DISC1: variants seen among roughly 807,000 people sequenced by gnomAD.
DISC1 encodes disrupted in schizophrenia 1 protein.
A neutral mutation model predicts 84.5 loss-of-function variants in DISC1; 57 were observed. That is an observed-to-expected ratio of 0.67 (90% confidence interval 0.55 to 0.84). DISC1 has a LOEUF of 0.84. Ranked by LOEUF, DISC1 falls within the 40% of genes least tolerant of loss-of-function variation. The pLI, the probability that DISC1 is intolerant of heterozygous loss-of-function variation, is 0.00. For missense variants in DISC1, 1,000 were observed against 1,057.8 expected, an observed-to-expected ratio of 0.95 and a Z score of 0.76; for synonymous variants, 411 against 415.2, an observed-to-expected ratio of 0.99 and a Z score of 0.12.
chr1:231,891,871 A>G (rs898092722), intron 9 of DISC1, among the ~76,000 whole-genome samples: 7 of 152,224 alleles, frequency 4.6e-5, no homozygotes, highest in Non-Finnish European at 8.8e-5. Context: ...AGAAGTAGCC[A>G]TAACCTGCGG....
intron 10 of DISC1, among the ~76,000 whole-genome samples, chr1:231,967,852 G>T (rs549944409): frequency 1.3e-5 from 2 of 151,934 alleles, no homozygotes; most frequent in Non-Finnish European, 2.9e-5. Context: ...CTAAACATAC[G>T]CAGAGAAAAA....
rs1433799974 is a variant in DISC1, at chr1:231,812,504, A to C, written c.1793-5825A>C. Among the ~76,000 whole-genome samples the C allele has an allele frequency of 2.6e-5, 4 of 152,222 alleles. No individual in the cohort carries two copies. The East Asian group carries it at 7.7e-4, about 29-fold the overall frequency. On this transcript the variant is annotated intron_variant, in intron 8 of 12. Transcript: ENST00000439617. ...AAGTCATGGTGACTGGAAGAAATGC[A>C]CAACCCTGACAGAAAATGGCAAATT... is the stretch of plus-strand genomic sequence containing the variant.
Position 231,698,481 on chromosome 1 carries a change from G to C in DISC1, c.1048-3474G>C, listed in dbSNP as rs1439015835. Among the ~76,000 whole-genome samples the C allele has an allele frequency of 6.6e-6, 1 of 152,108 alleles. No homozygotes were observed. Among genetic ancestry groups the C allele is most frequent in the Non-Finnish European group, 1.5e-5 (1 of 68,016 alleles). ...CCATGGAAACTGGTGAAAAATGAAG[G>C]ACTCTGCCTGTAGAGTATTATAGGA... On this transcript the variant is annotated intron_variant, in intron 2 of 12. Transcript: ENST00000439617. The surrounding 1 kb of genome is among the most constrained non-coding windows in gnomAD (Gnocchi z 4.9).
chr1:231,903,751 G>A (rs537850723), intron 9 of DISC1, among the ~76,000 whole-genome samples: 1 of 152,244 alleles, frequency 6.6e-6, no homozygotes, highest in Non-Finnish European at 1.5e-5. Context: ...CTTGGAGAGA[G>A]GAGGGCTGGG....
At chr1:231,700,411 G>T (rs944353399) in intron 2 of DISC1, among the ~76,000 whole-genome samples, 1 of 152,098 alleles carries the variant, frequency 6.6e-6, no homozygotes, top group Admixed American at 6.5e-5. Context: ...TTTTCTCAAT[G>T]ATTTTTAAAT....
chr1:231,987,351 G>A (rs757998322), intron 10 of DISC1, among the ~76,000 whole-genome samples: 1 of 152,210 alleles, frequency 6.6e-6, no homozygotes, highest in Non-Finnish European at 1.5e-5. Flanking sequence ...ATCGTCAGCT[G>A]AAAGCTGAGC....
chr1:231,703,732 T>A (rs924489135), intron 3 of DISC1, among the ~76,000 whole-genome samples: 2 of 152,210 alleles, frequency 1.3e-5, no homozygotes, highest in Non-Finnish European at 2.9e-5. Context: ...AGGATACACC[T>A]CATCAGGGAA....
chr1:231,799,867 CCTTCCCCTTCCCCT>C, intron 7 of DISC1, among the ~76,000 whole-genome samples: 1 of 17,390 alleles, frequency 5.8e-5, no homozygotes, highest in Non-Finnish European at 1.6e-4. Flanking sequence ...CTTTCCCTTC[CCTTCCCCTTCCCCT>C]TCCCTCCTTC....
Position 231,660,414 on chromosome 1 carries a change from C to G in DISC1, c.68-33412C>G, listed in dbSNP as rs2061477711. ...AAGACAGCACACCAGTGGGTCTTGGCTCTGTCCAGCTTGCCATTCTGTGTC... is the reference window on the plus strand; with the variant it reads ...AAGACAGCACACCAGTGGGTCTTGGGTCTGTCCAGCTTGCCATTCTGTGTC... On this transcript the variant is annotated intron_variant, in intron 1 of 12. Coordinates refer to ENST00000439617, the MANE Select transcript of DISC1 (RefSeq NM_018662.3). Among the ~76,000 whole-genome samples, 4 of 152,118 alleles carry G rather than the reference C, an allele frequency of 2.6e-5. No homozygotes were observed. The South Asian group carries it at 8.3e-4, about 32-fold the overall frequency.
intron 6 of DISC1, among the ~76,000 whole-genome samples, chr1:231,788,766 C>T (rs2078084365): frequency 1.3e-5 from 2 of 152,158 alleles, no homozygotes; most frequent in South Asian, 2.1e-4. Context: ...CAGTCAAGAG[C>T]AGCTGCAGCC....
intron 4 of DISC1, chr1:231,750,356 C>A: frequency 8.2e-7 from 1 of 1,219,296 alleles, no homozygotes; most frequent in East Asian, 3.9e-5. Flanking sequence ...TGGGAAACTA[C>A]CCTTCTAAGA....
rs1031751548 is a variant in DISC1 at position 231,954,150 on chromosome 1, T to C, written c.1982-4678T>C. Among the ~76,000 whole-genome samples, 14 of 152,330 alleles carry C rather than the reference T, an allele frequency of 9.2e-5. No homozygotes were observed. Among genetic ancestry groups the C allele is most frequent in the African/African-American group, 3.1e-4 (13 of 41,566 alleles). On this transcript the variant is annotated intron_variant, in intron 9 of 12. Coordinates refer to ENST00000439617, the MANE Select transcript of DISC1 (RefSeq NM_018662.3). The surrounding 1 kb of genome is among the most constrained non-coding windows in gnomAD (Gnocchi z 4.8). ...CCCATCAGACTCATAGGGATATTTT[T>C]GGATTATTGGTTATGATGAATATTT... is the stretch of plus-strand genomic sequence containing the variant.
intron 10 of DISC1, among the ~76,000 whole-genome samples, chr1:231,965,252 A>G (rs1660926235): frequency 6.6e-6 from 1 of 152,202 alleles, no homozygotes; most frequent in African/African-American, 2.4e-5. Context: ...TTGCCTTGTA[A>G]TCATCTGAGT....
rs1573948027 is a variant in DISC1, at chr1:231,804,202, A to C, written c.1792+3992A>C. On this transcript the variant is annotated intron_variant, in intron 8 of 12. Coordinates refer to ENST00000439617, the MANE Select transcript of DISC1 (RefSeq NM_018662.3). Reference sequence around the variant, plus strand: ...CCAGCATTCCTGGTGTGCTGATTCAAGGGAAGGGCCACTATAACAAGTCTC... The same window carrying C: ...CCAGCATTCCTGGTGTGCTGATTCACGGGAAGGGCCACTATAACAAGTCTC... 3.9e-5 allele frequency among the ~76,000 whole-genome samples: 6 copies of C among 152,216 alleles called. No homozygotes were observed. In the South Asian group the frequency reaches 1.2e-3, roughly 32 times the overall value.
intron 9 of DISC1, among the ~76,000 whole-genome samples, chr1:231,941,546 C>G (rs1020824572): frequency 4.6e-5 from 7 of 151,618 alleles, no homozygotes; most frequent in Non-Finnish European, 1.0e-4. Flanking sequence ...AATCTCAGCT[C>G]ACTGCAACCT....
At chr1:232,035,740 A>G (rs1386504230) in intron 12 of DISC1, among the ~76,000 whole-genome samples, 1 of 152,176 alleles carries the variant, frequency 6.6e-6, no homozygotes, top group Admixed American at 6.5e-5. Flanking sequence ...GTTAAACCCA[A>G]CGCTCACCCT....
At chr1:231,718,067 A>G (rs541745579) in intron 3 of DISC1, among the ~76,000 whole-genome samples, 47 of 152,246 alleles carry the variant, frequency 3.1e-4, no homozygotes, top group South Asian at 8.3e-4. Context: ...CTCCCGGGAC[A>G]TGAGCCACTA....
intron 3 of DISC1, among the ~76,000 whole-genome samples, chr1:231,705,577 T>C (rs1161314809): frequency 6.6e-6 from 1 of 152,048 alleles, no homozygotes; most frequent in Non-Finnish European, 1.5e-5. Flanking sequence ...TTGAAATGGA[T>C]CACAAAAGGG....
chr1:231,723,957 C>G, intron 3 of DISC1: 1 of 985,414 alleles, frequency 1.0e-6, no homozygotes, highest in Non-Finnish European at 1.2e-6. Flanking sequence ...GTGATGGTGA[C>G]TCCAGGAAGG....
Sources: allele counts gnomAD v4.1 joint callset (sites outside exome capture counted in the v4.1 genomes callset), GRCh38; gene constraint gnomAD v4.1.1; non-coding constraint Gnocchi (gnomAD v3.1); transcripts MANE v1.5; gene names NCBI Gene and HGNC (gene_info 2026-07-23, HGNC 2026-07-21).